The following PTPRB variants were observed in gnomAD, a reference collection of about 807,000 sequenced individuals.
PTPRB encodes receptor-type tyrosine-protein phosphatase beta.
Under a neutral mutation model 238.1 loss-of-function variants are expected in PTPRB, and 97 were observed. That is an observed-to-expected ratio of 0.41 (90% CI 0.35 to 0.48). The LOEUF (loss-of-function observed/expected upper bound fraction) is 0.48, where lower values mean the gene tolerates loss of function less well. PTPRB is among the 20% of genes least tolerant of loss of function. The probability of loss-of-function intolerance (pLI) is 0.30; values close to 1 mark genes in which losing one functional copy is unlikely to be tolerated. For synonymous variants in PTPRB, 970 were observed against 995.4 expected, an observed-to-expected ratio of 0.97 and a Z score of 0.48; for missense variants, 2,292 against 2,681.9, an observed-to-expected ratio of 0.85 and a Z score of 3.21.
In PTPRB at chr12:70,555,326, G is replaced by T; in HGVS notation, c.4994-17C>A. On this transcript the variant is annotated splice_polypyrimidine_tract_variant and intron_variant, in intron 19 of 33. Transcript: ENST00000334414. ...GAGGGGGGCCTGGAAAAAGAGGTGG[G>T]GAAGGAACCAAGAGGGGTCACAACT... The T allele has an allele frequency of 1.2e-6, 2 of 1,604,426 alleles. No homozygotes were observed. Among genetic ancestry groups the T allele is most frequent in the Non-Finnish European group, 1.7e-6 (2 of 1,175,492 alleles).
chr12:70,522,763 CCA>C (rs1026460144), intron 33 of PTPRB: 1 of 151,802 alleles, frequency 6.6e-6, no homozygotes, highest in African/African-American at 2.4e-5. Context: ...TATATTTTCT[CCA>C]GTCTTTTTCC....
chr12:70,522,727 T>A (rs994981554), intron 33 of PTPRB: 4 of 152,136 alleles, frequency 2.6e-5, no homozygotes, highest in African/African-American at 9.7e-5. Context: ...GGAAAAATAA[T>A]AATTTTTCTA....
In PTPRB at chr12:70,555,315, A is replaced by G; in HGVS notation, c.4994-6T>C. On this transcript the variant is annotated splice_region_variant and splice_polypyrimidine_tract_variant and intron_variant, in intron 19 of 33. Transcript: ENST00000334414. ...TGGGGGTGGAGGAGGGGGGCCTGGA[A>G]AAAGAGGTGGGGAAGGAACCAAGAG... 3 of 1,609,160 alleles carry G rather than the reference A, an allele frequency of 1.9e-6. No homozygotes were observed. Among genetic ancestry groups the G allele is most frequent in the Non-Finnish European group, 1.7e-6 (2 of 1,178,064 alleles).
chr12:70,611,543 AC>A (rs1412464642), intron 3 of PTPRB, among the ~76,000 whole-genome samples: 2 of 151,274 alleles, frequency 1.3e-5, no homozygotes, highest in Non-Finnish European at 2.9e-5. Context: ...CAAGTGATCG[AC>A]CCGCCTTGGC....
chr12:70,542,542 C>T (rs1875298860), intron 22 of PTPRB: 1 of 149,822 alleles, frequency 6.7e-6, no homozygotes, highest in Non-Finnish European at 1.5e-5. Flanking sequence ...GGCATCACCG[C>T]ACTACAGCCT....
At chr12:70,544,162 T>C (rs1385976061) in intron 22 of PTPRB, among the ~76,000 whole-genome samples, 5 of 152,220 alleles carry the variant, frequency 3.3e-5, no homozygotes, top group Non-Finnish European at 7.3e-5. Context: ...ATTAATACTT[T>C]GGTGTTTTTT....
Position 70,587,286 on chromosome 12 carries a change from A to T in PTPRB, c.2051-19T>A. 1 of 1,612,600 alleles carries T rather than the reference A, an allele frequency of 6.2e-7. No homozygotes were observed. ...AGGGGGACTGAGGAAAAAGCAATGGAGATGGGTCATTGATGGACTGAGGCA... is the reference window on the plus strand; with the variant it reads ...AGGGGGACTGAGGAAAAAGCAATGGTGATGGGTCATTGATGGACTGAGGCA... On this transcript the variant is annotated intron_variant, in intron 8 of 33. Transcript: ENST00000334414.
At chr12:70,619,157 AGTGTGTGTGT>A (rs3049143) in intron 3 of PTPRB, among the ~76,000 whole-genome samples, 24 of 142,118 alleles carry the variant, frequency 1.7e-4, no homozygotes, top group African/African-American at 2.6e-4. Flanking sequence ...TGTTTAGGGG[AGTGTGTGTGT>A]GTGTGTGTGT....
intron 15 of PTPRB, among the ~76,000 whole-genome samples, chr12:70,565,293 C>A (rs2136348796): frequency 6.6e-6 from 1 of 152,344 alleles, no homozygotes; most frequent in East Asian, 1.9e-4. Context: ...GGCTACCAGG[C>A]ACCCTCTAAT....
At chr12:70,594,097 G>A (rs964862420) in intron 6 of PTPRB, among the ~76,000 whole-genome samples, 1 of 152,148 alleles carries the variant, frequency 6.6e-6, no homozygotes, top group African/African-American at 2.4e-5. Context: ...ACAGGAGTAG[G>A]GTATGTATAG....
rs757014711 is a variant in PTPRB, at chr12:70,516,730, TCA to T, written c.*4757_*4758del. 6.6e-6 allele frequency: 1 copy of T among 152,206 alleles called. No homozygotes were observed. Among genetic ancestry groups the T allele is most frequent in the Non-Finnish European group, 1.5e-5 (1 of 68,044 alleles). 9.4% of individuals were successfully genotyped at this position (152,206 alleles called of 1,614,324 possible). A position where few individuals can be genotyped will look rare whatever the true frequency, so the allele number is the denominator to read the frequency against. On this transcript the variant is annotated 3_prime_UTR_variant, in exon 34 of 34. Transcript: ENST00000334414. ...ACACATTGCATTTGTCTGACATTAT[TCA>T]CAGTTTTGAATAACTTATTTTGGTG...
chr12:70,554,959 G>A (rs569610219), intron 20 of PTPRB, among the ~76,000 whole-genome samples: 5 of 152,302 alleles, frequency 3.3e-5, no homozygotes, highest in African/African-American at 1.2e-4. Flanking sequence ...TAAACCCAGA[G>A]GATAACAGGC....
intron 2 of PTPRB, among the ~76,000 whole-genome samples, chr12:70,634,037 G>A (rs756730988): frequency 6.6e-6 from 1 of 152,148 alleles, no homozygotes; most frequent in Non-Finnish European, 1.5e-5. Context: ...TTCTGATAAA[G>A]TTGAATTTTT....
At chr12:70,532,236 A>AGACTC (rs1232177237) in intron 31 of PTPRB, 66 bp from the exon 32 acceptor site, 2 of 1,480,634 alleles carry the variant, frequency 1.4e-6, no homozygotes, top group East Asian at 4.8e-5. Context: ...TTGCATCTAG[A>AGACTC]GACTCTGGCA....
At chr12:70,594,356 A>T in intron 6 of PTPRB, 111 bp downstream of exon 6, 2 of 1,388,714 alleles carry the variant, frequency 1.4e-6, no homozygotes, top group Non-Finnish European at 2.0e-6. Context: ...TCTATACCTT[A>T]TAAGAATTTC....
At chr12:70,533,044 G>GA (rs1376336728) in intron 31 of PTPRB, among the ~76,000 whole-genome samples, 1 of 152,134 alleles carries the variant, frequency 6.6e-6, no homozygotes, top group Non-Finnish European at 1.5e-5. Context: ...GTGTTGCAAA[G>GA]AACATGAATA....
In PTPRB at chr12:70,572,100, CAG is replaced by C; in HGVS notation, c.2843-15_2843-14del. The C allele has an allele frequency of 1.3e-6, 2 of 1,591,284 alleles. No homozygotes were observed. The highest frequency in any genetic ancestry group is 1.7e-6 in the Non-Finnish European group (2 of 1,166,730). On this transcript the variant is annotated splice_polypyrimidine_tract_variant and intron_variant, in intron 11 of 33. Transcript: ENST00000334414. ...ACTTTGTCAGGCACTGAAAAGGAAACAGAGAGTAACTAAATATTTATGAATTC... is the reference window on the plus strand; with the variant it reads ...ACTTTGTCAGGCACTGAAAAGGAAACAGAGTAACTAAATATTTATGAATTC...
chr12:70,526,311 T>C (rs2136204524), intron 32 of PTPRB, among the ~76,000 whole-genome samples: 1 of 152,322 alleles, frequency 6.6e-6, no homozygotes, highest in Non-Finnish European at 1.5e-5. Flanking sequence ...TAAGTGATTC[T>C]CACACCTCAG....
intron 3 of PTPRB, 103 bp downstream of exon 3, chr12:70,622,287 T>TCCC: frequency 6.7e-7 from 1 of 1,489,550 alleles, no homozygotes; most frequent in Non-Finnish European, 9.1e-7. Flanking sequence ...GAGTGCCTAA[T>TCCC]CCCCCTACTG....
Sources: allele counts gnomAD v4.1 joint callset (sites outside exome capture counted in the v4.1 genomes callset), GRCh38; gene constraint gnomAD v4.1.1; transcripts MANE v1.5; gene names NCBI Gene and HGNC (gene_info 2026-07-23, HGNC 2026-07-21).